Variants in TEK observed in about 807,000 individuals in gnomAD.
TEK encodes angiopoietin-1 receptor.
TEK carries 43 observed loss-of-function variants against 131.8 expected under a neutral mutation model. That is an observed-to-expected ratio of 0.33 (90% confidence interval 0.26 to 0.42). The LOEUF (loss-of-function observed/expected upper bound fraction) is 0.42. Among genes scored for constraint, TEK ranks in the 10% least tolerant of loss-of-function variants. The pLI is 1.00. For synonymous variants in TEK, 580 were observed against 491.6 expected (o/e 1.18, Z -2.38); for missense variants, 1,162 against 1,384.4 (o/e 0.84, Z 2.55).
intron 21 of TEK, among the ~76,000 whole-genome samples, chr9:27,222,994 C>G (rs958545999): frequency 6.6e-6 from 1 of 151,948 alleles, no homozygotes; most frequent in African/African-American, 2.4e-5. Context: ...ATAAAACAGA[C>G]TAAACCAACA....
chr9:27,164,643 A>C (rs187057306), intron 2 of TEK, among the ~76,000 whole-genome samples: 320 of 152,192 alleles, frequency 2.1e-3, no homozygotes, highest in African/African-American at 7.5e-3. Flanking sequence ...CTTAAGCTCA[A>C]GTGATCCTCC....
At chr9:27,170,676 T>C (rs1330568775) in intron 4 of TEK, among the ~76,000 whole-genome samples, 3 of 152,106 alleles carry the variant, frequency 2.0e-5, no homozygotes, top group Non-Finnish European at 4.4e-5. Flanking sequence ...GGCTCAGTTG[T>C]GGTGGGTGTG....
At chr9:27,225,377 G>A (rs189963288) in intron 21 of TEK, among the ~76,000 whole-genome samples, 1 of 152,256 alleles carries the variant, frequency 6.6e-6, no homozygotes, top group Admixed American at 6.5e-5. Context: ...GGATGGTACT[G>A]GTACTAAAAC....
chr9:27,174,313 C>T (rs1485257471), intron 6 of TEK, among the ~76,000 whole-genome samples: 1 of 152,080 alleles, frequency 6.6e-6, no homozygotes, highest in Admixed American at 6.5e-5. Flanking sequence ...ACGATGGGGT[C>T]CCAGCAACTT....
intron 21 of TEK, among the ~76,000 whole-genome samples, chr9:27,226,496 T>C (rs141380231): frequency 1.2e-4 from 19 of 152,154 alleles, no homozygotes; most frequent in African/African-American, 4.6e-4. Flanking sequence ...AGACCAAACA[T>C]TGCATGTTCT....
In TEK at chr9:27,158,010, G is replaced by A. The variant is rs575190843; in HGVS notation, c.232G>A (p.Val78Met). Reference sequence around the variant, plus strand: ...GGATCCGCTGGAAGTTACTCAAGATGTGACCAGAGAATGGGCTAAAAAAGT... The same window carrying A: ...GGATCCGCTGGAAGTTACTCAAGATATGACCAGAGAATGGGCTAAAAAAGT... ...HQDPLEVTQD[V>M]TREWAKKVVW... The change falls in exon 2 of 23, where the codon GTG becomes ATG. Residue 78 changes from valine (V) to methionine (M), a missense_variant. Val to Met is a conservative substitution (Grantham distance 21). Transcript: ENST00000380036. 6.2e-7 allele frequency: 1 copy of A among 1,614,160 alleles called. No individual in the cohort carries two copies. Among genetic ancestry groups the A allele is most frequent in the East Asian group, 2.2e-5 (1 of 44,872 alleles).
intron 1 of TEK, among the ~76,000 whole-genome samples, chr9:27,131,700 A>C (rs1415751165): frequency 6.6e-6 from 1 of 151,376 alleles, no homozygotes; most frequent in East Asian, 1.9e-4. Context: ...AGTCCCAGCT[A>C]CTCAGGAGGC....
At chr9:27,191,507 C>T (rs189307822) in intron 10 of TEK, among the ~76,000 whole-genome samples, 185 of 152,086 alleles carry the variant, frequency 1.2e-3, no homozygotes, top group Non-Finnish European at 2.4e-3. Flanking sequence ...TGTCCTCCTC[C>T]GCCCATACCT....
intron 4 of TEK, among the ~76,000 whole-genome samples, chr9:27,171,975 A>T (rs1218791746): frequency 6.6e-6 from 1 of 152,166 alleles, no homozygotes; most frequent in Non-Finnish European, 1.5e-5. Flanking sequence ...ATCTTCTAGG[A>T]AGGTCAGACA....
At chr9:27,208,995 A>G (rs937539229) in intron 15 of TEK, 126 bp from the exon 16 acceptor site, 4 of 713,286 alleles carry the variant, frequency 5.6e-6, no homozygotes, top group Non-Finnish European at 1.0e-5. Context: ...CTTTAGAGTA[A>G]TCTCTTTGGT....
chr9:27,152,377 G>A (rs1416225344), intron 1 of TEK, among the ~76,000 whole-genome samples: 1 of 150,450 alleles, frequency 6.6e-6, no homozygotes, highest in African/African-American at 2.5e-5. Flanking sequence ...ATCAGGACTT[G>A]ATTTCATCTG....
At chr9:27,223,986 T>C (rs1826197095) in intron 21 of TEK, among the ~76,000 whole-genome samples, 1 of 152,150 alleles carries the variant, frequency 6.6e-6, no homozygotes, top group African/African-American at 2.4e-5. Context: ...TAAACACCTC[T>C]ACGCAAATAA....
At chr9:27,180,918 A>C (rs1824344830) in intron 7 of TEK, among the ~76,000 whole-genome samples, 1 of 152,192 alleles carries the variant, frequency 6.6e-6, no homozygotes, top group South Asian at 2.1e-4. Flanking sequence ...ATAATGTTCA[A>C]CTTTTTAAAA....
At chr9:27,183,425 T>C in intron 7 of TEK, 34 bp from the exon 8 acceptor site, 1 of 1,611,322 alleles carries the variant, frequency 6.2e-7, no homozygotes, top group Non-Finnish European at 8.5e-7. Flanking sequence ...CTCTGTTAAA[T>C]ATTAGATTTC....
chr9:27,137,696 T>C (rs928595670), intron 1 of TEK, among the ~76,000 whole-genome samples: 1 of 152,140 alleles, frequency 6.6e-6, no homozygotes, highest in African/African-American at 2.4e-5. Context: ...TACTTCGTTT[T>C]ACTCTCAATT....
intron 1 of TEK, among the ~76,000 whole-genome samples, chr9:27,112,949 T>C (rs1330903733): frequency 6.6e-6 from 1 of 152,228 alleles, no homozygotes; most frequent in Non-Finnish European, 1.5e-5. Context: ...CAACATAGGC[T>C]CTGCTTGCTA....
intron 1 of TEK, among the ~76,000 whole-genome samples, chr9:27,115,141 C>A (rs1438914737): frequency 6.6e-6 from 1 of 152,046 alleles, no homozygotes; most frequent in East Asian, 1.9e-4. Flanking sequence ...AAAATCTGAG[C>A]TTTTCAAGGG....
intron 1 of TEK, among the ~76,000 whole-genome samples, chr9:27,131,962 T>G (rs1278676305): frequency 6.6e-6 from 1 of 152,190 alleles, no homozygotes; most frequent in Non-Finnish European, 1.5e-5. Context: ...TTAGATAGAA[T>G]GGATCTAGTG....
intron 12 of TEK, among the ~76,000 whole-genome samples, chr9:27,198,733 T>C (rs920339126): frequency 1.2e-4 from 18 of 152,352 alleles, no homozygotes; most frequent in African/African-American, 4.1e-4. Context: ...CCCTATCTAT[T>C]TCTATTCCCC....
Sources: allele counts gnomAD v4.1 joint callset (sites outside exome capture counted in the v4.1 genomes callset), GRCh38; gene constraint gnomAD v4.1.1; transcripts MANE v1.5; gene names NCBI Gene and HGNC (gene_info 2026-07-23, HGNC 2026-07-21).